The following PDE1C variants were observed in gnomAD, a reference collection of about 807,000 sequenced individuals.
PDE1C encodes the protein dual specificity calcium/calmodulin-dependent 3',5'-cyclic nucleotide phosphodiesterase 1C.
A neutral mutation model predicts 93.1 loss-of-function variants in PDE1C; 62 were observed. The observed-to-expected ratio is 0.67, with a 90% CI of 0.54 to 0.82. The LOEUF is 0.82. Ranked by LOEUF, PDE1C falls within the 40% of genes least tolerant of loss-of-function variation. PDE1C has a pLI of 0.00. For missense variants in PDE1C, 742 were observed against 884.6 expected, an observed-to-expected ratio of 0.84 and a Z score of 2.04; for synonymous variants, 325 against 310.1, an observed-to-expected ratio of 1.05 and a Z score of -0.50.
At chr7:31,941,281 C>T in intron 2 of PDE1C, 1 of 158,502 alleles carries the variant, frequency 6.3e-6, no homozygotes, top group South Asian at 2.0e-4. Context: ...ACCTGTTCAC[C>T]AACACTGTCT....
intron 2 of PDE1C, among the ~76,000 whole-genome samples, chr7:31,974,057 C>T (rs1180986018): frequency 6.6e-6 from 1 of 152,086 alleles, no homozygotes; most frequent in Non-Finnish European, 1.5e-5. Flanking sequence ...TAAGCTTATA[C>T]TAAAGTTGTA....
intron 2 of PDE1C, among the ~76,000 whole-genome samples, chr7:31,946,341 G>A (rs1031656026): frequency 6.6e-6 from 1 of 152,124 alleles, no homozygotes; most frequent in African/African-American, 2.4e-5. Flanking sequence ...GTGCCAAAGG[G>A]TGGAAGGCTG....
At chr7:32,037,065 C>A (rs1258011847) in intron 2 of PDE1C, among the ~76,000 whole-genome samples, 1 of 152,104 alleles carries the variant, frequency 6.6e-6, no homozygotes, top group Admixed American at 6.5e-5. Flanking sequence ...GAAATCATAC[C>A]AGCCTTACAA....
chr7:32,007,530 A>G (rs1030048668), intron 2 of PDE1C, among the ~76,000 whole-genome samples: 3 of 152,218 alleles, frequency 2.0e-5, no homozygotes, highest in African/African-American at 4.8e-5. Flanking sequence ...ATGGAGGCTT[A>G]TTATGAGACA....
intron 3 of PDE1C, among the ~76,000 whole-genome samples, chr7:32,114,007 A>G (rs1314799131): frequency 6.6e-6 from 1 of 152,210 alleles, no homozygotes; most frequent in African/African-American, 2.4e-5. Flanking sequence ...AAAACATTCT[A>G]TCCTCATGGA....
chr7:31,794,976 T>G lies in PDE1C; in HGVS notation c.1891+14055A>C, dbSNP rs561688273. Reference sequence around the variant, plus strand: ...AACCAAACAAACAATCATTTTCTCATGTTTTCACTATGGCTCCAGGGCATA... The same window carrying G: ...AACCAAACAAACAATCATTTTCTCAGGTTTTCACTATGGCTCCAGGGCATA... On this transcript the variant is annotated intron_variant, in intron 16 of 17. Transcript: ENST00000396191. 2.0e-5 allele frequency among the ~76,000 whole-genome samples: 3 copies of G among 152,118 alleles called. No individual in the cohort carries two copies. In the East Asian group the frequency reaches 5.8e-4, roughly 30 times the overall value.
intron 17 of PDE1C, among the ~76,000 whole-genome samples, chr7:31,773,896 C>A (rs1795663163): frequency 6.6e-6 from 1 of 152,134 alleles, no homozygotes; most frequent in Non-Finnish European, 1.5e-5. Context: ...ACTGTCAATT[C>A]CACCTAGATG....
intron 1 of PDE1C, among the ~76,000 whole-genome samples, chr7:32,305,322 G>C (rs1317327344): frequency 6.6e-6 from 1 of 152,086 alleles, no homozygotes; most frequent in Non-Finnish European, 1.5e-5. Flanking sequence ...GCTTCCTCCT[G>C]GTTTTCCTGC....
the PDE1C span, among the ~76,000 whole-genome samples, chr7:31,667,326 C>T: frequency 6.6e-6 from 1 of 152,178 alleles, no homozygotes; most frequent in African/African-American, 2.4e-5. Context: ...CTGTGGAATT[C>T]CACAGACTAT....
intron 16 of PDE1C, among the ~76,000 whole-genome samples, chr7:31,796,126 T>C (rs967746383): frequency 1.1e-4 from 16 of 150,468 alleles, no homozygotes; most frequent in African/African-American, 3.9e-4. Flanking sequence ...TATATATGTA[T>C]ATGTATATAT....
chr7:31,741,132 A>G, the PDE1C span, among the ~76,000 whole-genome samples: 1 of 151,388 alleles, frequency 6.6e-6, no homozygotes, highest in African/African-American at 2.4e-5. Context: ...TATTTATAAT[A>G]TAATGTTGTT....
At chr7:32,403,838 G>A (rs537661751) in intron 1 of PDE1C, among the ~76,000 whole-genome samples, 1 of 152,254 alleles carries the variant, frequency 6.6e-6, no homozygotes, top group East Asian at 1.9e-4. Flanking sequence ...GGGAACTGAG[G>A]GGTTGGTGGG....
chr7:32,263,032 T>G (rs1435183755), intron 1 of PDE1C, among the ~76,000 whole-genome samples: 8 of 152,198 alleles, frequency 5.3e-5, no homozygotes, highest in Non-Finnish European at 1.2e-4. Flanking sequence ...CAGAGTCCAG[T>G]TTCCTCCTTT....
the PDE1C span, chr7:31,687,382 G>GT: frequency 6.6e-6 from 1 of 152,314 alleles, no homozygotes; most frequent in South Asian, 2.1e-4. Flanking sequence ...CTGGGACAAA[G>GT]AAGGCTGTAG....
At chr7:32,406,165 C>T (rs1050128142) in intron 1 of PDE1C, among the ~76,000 whole-genome samples, 1 of 152,168 alleles carries the variant, frequency 6.6e-6, no homozygotes, top group African/African-American at 2.4e-5. Flanking sequence ...AGGACTAGCA[C>T]GTCGGTTTCA....
intron 2 of PDE1C, among the ~76,000 whole-genome samples, chr7:31,946,518 G>A (rs1806636684): frequency 6.6e-6 from 1 of 152,138 alleles, no homozygotes; most frequent in African/African-American, 2.4e-5. Context: ...TCTTAAACTA[G>A]AAGAACATGT....
At chr7:32,229,275 G>GC (rs544105681) in intron 1 of PDE1C, among the ~76,000 whole-genome samples, 26 of 152,290 alleles carry the variant, frequency 1.7e-4, no homozygotes, top group African/African-American at 5.3e-4. Context: ...AAGTTAATTT[G>GC]CCCAAGGTCA....
intron 17 of PDE1C, among the ~76,000 whole-genome samples, chr7:31,755,576 A>ACAAAAC (rs200928307): frequency 6.6e-6 from 1 of 151,888 alleles, no homozygotes; most frequent in Admixed American, 6.6e-5. Context: ...AGTGTTCAAA[A>ACAAAAC]AAAACAAAAC....
the PDE1C span, among the ~76,000 whole-genome samples, chr7:31,645,661 C>T: frequency 3.3e-5 from 5 of 152,094 alleles, no homozygotes; most frequent in Non-Finnish European, 7.4e-5. Context: ...TTTAAATGCC[C>T]TAAGTAAATG....
Sources: allele counts gnomAD v4.1 joint callset (sites outside exome capture counted in the v4.1 genomes callset), GRCh38; gene constraint gnomAD v4.1.1; transcripts MANE v1.5; gene names NCBI Gene and HGNC (gene_info 2026-07-23, HGNC 2026-07-21).